PHLPP1: variants seen among roughly 807,000 people sequenced by gnomAD.
PHLPP1 encodes PH domain leucine-rich repeat-containing protein phosphatase 1.
A neutral mutation model predicts 117.2 loss-of-function variants in PHLPP1; 42 were observed. The observed-to-expected ratio is 0.36, with a 90% CI of 0.28 to 0.46. The LOEUF (loss-of-function observed/expected upper bound fraction) is 0.46. Among genes scored for constraint, PHLPP1 ranks in the 20% least tolerant of loss-of-function variants. The pLI is 1.00. For missense variants in PHLPP1, 2,084 were observed against 2,241.9 expected, an observed-to-expected ratio of 0.93 and a Z score of 1.42; for synonymous variants, 1,042 against 970.7, an observed-to-expected ratio of 1.07 and a Z score of -1.37.
intron 1 of PHLPP1, among the ~76,000 whole-genome samples, chr18:62,769,891 T>C (rs749802875): frequency 6.6e-6 from 1 of 152,216 alleles, no homozygotes; most frequent in Non-Finnish European, 1.5e-5. Flanking sequence ...TTACTTTTTG[T>C]TCTTCTTGTA....
intron 3 of PHLPP1, among the ~76,000 whole-genome samples, chr18:62,854,309 CCTGT>C (rs1915440044): frequency 6.6e-6 from 1 of 152,202 alleles, no homozygotes; most frequent in African/African-American, 2.4e-5. Flanking sequence ...TTATACTTTT[CCTGT>C]AACCTTTAAA....
At chr18:62,719,646 GA>G (rs560905338) in intron 1 of PHLPP1, among the ~76,000 whole-genome samples, 2 of 152,082 alleles carry the variant, frequency 1.3e-5, no homozygotes, top group Admixed American at 1.3e-4. Flanking sequence ...CAGGGTTTTT[GA>G]AAATTCTGTA....
chr18:62,811,304 TAAAG>T (rs1249060479), intron 1 of PHLPP1, among the ~76,000 whole-genome samples: 1 of 152,134 alleles, frequency 6.6e-6, no homozygotes, highest in African/African-American at 2.4e-5. Context: ...TCTTGAACAA[TAAAG>T]AAACTGGTAA....
chr18:62,724,358 C>T (rs1911007369), intron 1 of PHLPP1, among the ~76,000 whole-genome samples: 1 of 152,166 alleles, frequency 6.6e-6, no homozygotes, highest in Admixed American at 6.5e-5. Flanking sequence ...GTGTGCTTGC[C>T]TACCGGTGCT....
At chr18:62,741,710 C>G (rs951074867) in intron 1 of PHLPP1, among the ~76,000 whole-genome samples, 3 of 150,260 alleles carry the variant, frequency 2.0e-5, no homozygotes, top group Non-Finnish European at 4.4e-5. Flanking sequence ...AGGAAGAAAT[C>G]TAGTATGCAG....
rs373755664 is a variant in PHLPP1, at chr18:62,830,059, C to G, written c.1601C>G (p.Ser534Cys). ...YAGKPHSTGS[S>C]ERIQLSGMYN... ...GGAAAACCTCACAGCACGGGTAGCT[C>G]TGAACGGATTCAGCTCTCAGGAATG... Residue 534 changes from serine (S) to cysteine (C), a missense_variant, in exon 2 of 17, where the codon TCT (serine) becomes TGT (cysteine). By Grantham distance (112) the Ser-to-Cys change is moderately radical. Coordinates refer to ENST00000262719, the MANE Select transcript of PHLPP1 (RefSeq NM_194449.4). 8 of 1,613,234 alleles carry G rather than the reference C, an allele frequency of 5.0e-6. No homozygotes were observed. The highest frequency in any genetic ancestry group is 6.8e-6 in the Non-Finnish European group (8 of 1,179,544).
chr18:62,886,579 A>G (rs1916294977), intron 4 of PHLPP1, among the ~76,000 whole-genome samples: 1 of 152,106 alleles, frequency 6.6e-6, no homozygotes, highest in Non-Finnish European at 1.5e-5. Context: ...CAGCCTTTGC[A>G]CTTTGTTATA....
At chr18:62,829,350 C>T (rs1422360441) in intron 1 of PHLPP1, among the ~76,000 whole-genome samples, 6 of 152,072 alleles carry the variant, frequency 3.9e-5, no homozygotes, top group East Asian at 1.9e-4. Context: ...TGTTATTTTC[C>T]TATCTCAGGC....
intron 5 of PHLPP1, 139 bp downstream of exon 5, chr18:62,895,296 G>GGAGA (rs1568153252): frequency 1.3e-6 from 1 of 783,280 alleles, no homozygotes; most frequent in Non-Finnish European, 2.0e-6. Context: ...CAGGGACTAT[G>GGAGA]TAGTCCGTAT....
intron 1 of PHLPP1, among the ~76,000 whole-genome samples, chr18:62,766,076 A>AAAAAAATATATATATATATTATAT: frequency 4.6e-5 from 1 of 21,648 alleles, no homozygotes; most frequent in Non-Finnish European, 8.5e-5. Flanking sequence ...AAAAAAAAAA[A>AAAAAAATATATATATATATTATAT]ATATATATAT....
Position 62,915,026 on chromosome 18 carries a change from A to C in PHLPP1, c.2804+18A>C, listed in dbSNP as rs1177885583. 1.3e-6 allele frequency: 2 copies of C among 1,532,698 alleles called. No homozygotes were observed. Among genetic ancestry groups the C allele is most frequent in the African/African-American group, 1.4e-5 (1 of 72,768 alleles). The allele number at this position is 1,532,698 out of a possible 1,614,324, so 94.9% of individuals were successfully genotyped here. A position where few individuals can be genotyped will look rare whatever the true frequency, so the allele number is the denominator to read the frequency against. ...CCTGCCCGGTGAGTATTACAGATCA[A>C]ATGAGAGGATCTCACAATAAATGAG... On this transcript the variant is annotated intron_variant, in intron 9 of 16. Transcript: ENST00000262719.
intron 10 of PHLPP1, among the ~76,000 whole-genome samples, chr18:62,941,107 A>G (rs2144452637): frequency 6.6e-6 from 1 of 152,300 alleles, no homozygotes; most frequent in Non-Finnish European, 1.5e-5. Flanking sequence ...ACATCATATT[A>G]TGTTGTTTTA....
In PHLPP1 at chr18:62,953,842, T is replaced by C. The variant is rs186523636; in HGVS notation, c.3325-4787T>C. Among the ~76,000 whole-genome samples the C allele has an allele frequency of 7.3e-3, 1,105 of 152,298 alleles. 11 individuals are homozygous for C. Among genetic ancestry groups the C allele is most frequent in the Middle Eastern group, 0.024 (7 of 294 alleles). On this transcript the variant is annotated intron_variant, in intron 12 of 16. Coordinates refer to ENST00000262719, the MANE Select transcript of PHLPP1 (RefSeq NM_194449.4). ...CCACTGGGGAGCACGGTGGAGGTGG[T>C]GGACTGGGGATAGTCTGCAGGAAGG...
intron 1 of PHLPP1, among the ~76,000 whole-genome samples, chr18:62,776,292 A>T (rs1052144444): frequency 6.6e-6 from 1 of 152,184 alleles, no homozygotes; most frequent in Non-Finnish European, 1.5e-5. Context: ...CTGGAAATGT[A>T]GACAGGATTT....
At chr18:62,951,370 T>C (rs1346564565) in intron 12 of PHLPP1, among the ~76,000 whole-genome samples, 1 of 152,230 alleles carries the variant, frequency 6.6e-6, no homozygotes, top group Non-Finnish European at 1.5e-5. Context: ...TAACAAAATA[T>C]TGCATACATT....
intron 10 of PHLPP1, among the ~76,000 whole-genome samples, chr18:62,932,069 G>T (rs748260168): frequency 2.0e-5 from 3 of 151,996 alleles, no homozygotes; most frequent in Non-Finnish European, 4.4e-5. Context: ...GGTTGAACCA[G>T]GAAGAAATCA....
At chr18:62,834,533 G>A (rs1283486147) in intron 2 of PHLPP1, among the ~76,000 whole-genome samples, 1 of 152,130 alleles carries the variant, frequency 6.6e-6, no homozygotes, top group Non-Finnish European at 1.5e-5. Context: ...ACACTTTGGA[G>A]CTCGGTTACT....
chr18:62,906,111 G>A (rs1220054025), intron 8 of PHLPP1, among the ~76,000 whole-genome samples: 1 of 152,302 alleles, frequency 6.6e-6, no homozygotes, highest in East Asian at 1.9e-4. Flanking sequence ...AAATTCTGGT[G>A]TGTTTATTAA....
At chr18:62,899,455 T>G (rs1182911906) in intron 6 of PHLPP1, among the ~76,000 whole-genome samples, 1 of 152,248 alleles carries the variant, frequency 6.6e-6, no homozygotes, top group African/African-American at 2.4e-5. Context: ...CATGTACACC[T>G]GTTCCATTCT....
Sources: gnomAD v4.1 joint callset for allele counts (sites outside exome capture counted in the v4.1 genomes callset) on GRCh38, gnomAD v4.1.1 for gene constraint, MANE v1.5 for transcripts, NCBI Gene and HGNC (gene_info 2026-07-23, HGNC 2026-07-21) for gene names.